TCF12: variants seen among roughly 807,000 people sequenced by gnomAD.
TCF12 encodes DNA-binding protein HTF4.
In TCF12, 45 loss-of-function variants were observed where a neutral mutation model predicts 86.0. That is an observed-to-expected ratio of 0.52 (90% CI 0.41 to 0.67). The LOEUF (loss-of-function observed/expected upper bound fraction) is 0.67, where lower values mean the gene tolerates loss of function less well. Among genes scored for constraint, TCF12 ranks in the 30% least tolerant of loss-of-function variants. The probability of loss-of-function intolerance (pLI) is 0.00; values close to 1 mark genes in which losing one functional copy is unlikely to be tolerated. For synonymous variants in TCF12, 330 were observed against 299.6 expected (o/e 1.10, Z -1.05); for missense variants, 881 against 859.9 (o/e 1.02, Z -0.31).
chr15:56,998,656 C>T (rs1200959086), intron 3 of TCF12, among the ~76,000 whole-genome samples: 1 of 151,976 alleles, frequency 6.6e-6, no homozygotes, highest in African/African-American at 2.4e-5. Flanking sequence ...ACCGGGGGTA[C>T]AGAATGTCCG....
chr15:57,277,359 A>T (rs936416992), intron 19 of TCF12, among the ~76,000 whole-genome samples: 2 of 151,956 alleles, frequency 1.3e-5, no homozygotes, highest in African/African-American at 4.8e-5. Context: ...AGCCGGGTGC[A>T]GTGGCTCACA....
chr15:57,247,217 C>A (rs1192441043), intron 13 of TCF12: 2 of 621,112 alleles, frequency 3.2e-6, no homozygotes, highest in Non-Finnish European at 5.9e-6. Context: ...GTAACCAGGA[C>A]TACCACCATA....
chr15:57,182,020 A>G (rs1449700170), intron 6 of TCF12, among the ~76,000 whole-genome samples: 1 of 152,226 alleles, frequency 6.6e-6, no homozygotes, highest in African/African-American at 2.4e-5. Flanking sequence ...TAAGAAATTC[A>G]TACTATGTAA....
At chr15:57,132,595 A>G (rs994976855) in intron 5 of TCF12, among the ~76,000 whole-genome samples, 2 of 152,236 alleles carry the variant, frequency 1.3e-5, no homozygotes, top group Non-Finnish European at 2.9e-5. Context: ...CCTCTGAATT[A>G]TCAAAGAAAT....
At chr15:57,165,629 T>C (rs1179767558) in intron 5 of TCF12, among the ~76,000 whole-genome samples, 3 of 151,810 alleles carry the variant, frequency 2.0e-5, no homozygotes, top group South Asian at 2.1e-4. Context: ...CTCCGCCTCC[T>C]GGGTTCAAGT....
chr15:57,106,154 G>A (rs2050118755), intron 5 of TCF12, among the ~76,000 whole-genome samples: 2 of 152,334 alleles, frequency 1.3e-5, no homozygotes, highest in African/African-American at 4.8e-5. Flanking sequence ...GTTCTAATTT[G>A]TGTTAGAAAT....
intron 4 of TCF12, among the ~76,000 whole-genome samples, chr15:57,078,727 G>A (rs1302105318): frequency 1.3e-5 from 2 of 152,282 alleles, no homozygotes; most frequent in East Asian, 3.9e-4. Flanking sequence ...TCGAGAGCAG[G>A]TAAGACGAGA....
intron 5 of TCF12, among the ~76,000 whole-genome samples, chr15:57,092,420 C>T (rs1160409746): frequency 6.6e-6 from 1 of 152,158 alleles, no homozygotes; most frequent in East Asian, 1.9e-4. Context: ...AGTGAAGTTG[C>T]ACTTTCAAGA....
At chr15:56,949,721 TTCTGG>T (rs2061176576) in intron 3 of TCF12, among the ~76,000 whole-genome samples, 1 of 152,216 alleles carries the variant, frequency 6.6e-6, no homozygotes, top group Non-Finnish European at 1.5e-5. Context: ...GATATGGCCC[TTCTGG>T]AAGAGCTAAT....
intron 3 of TCF12, among the ~76,000 whole-genome samples, chr15:57,040,241 A>C (rs1238900776): frequency 5.9e-5 from 9 of 152,122 alleles, no homozygotes; most frequent in Admixed American, 5.9e-4. Flanking sequence ...CTGAACCATT[A>C]ATTTATCGTT....
chr15:57,103,336 C>T (rs1175384168), intron 5 of TCF12, among the ~76,000 whole-genome samples: 1 of 152,102 alleles, frequency 6.6e-6, no homozygotes, highest in African/African-American at 2.4e-5. Flanking sequence ...GAAGAATTTT[C>T]TGAGTATTAT....
chr15:57,159,395 G>A lies in TCF12; in HGVS notation c.326-7007G>A, dbSNP rs900767082. On this transcript the variant is annotated intron_variant, in intron 5 of 20. Transcript: ENST00000333725. ...TTCAAATTGTATGATATTTTAATAG[G>A]ATTTGCCCACAAAAGAGGAGCAGGT... is the stretch of plus-strand genomic sequence containing the variant. Among the ~76,000 whole-genome samples, 5 of 152,138 alleles carry A rather than the reference G, an allele frequency of 3.3e-5. No homozygotes were observed. In the East Asian group the frequency reaches 9.6e-4, roughly 29 times the overall value.
intron 8 of TCF12, among the ~76,000 whole-genome samples, 158 bp downstream of exon 8, chr15:57,197,983 A>G (rs965443478): frequency 1.3e-5 from 2 of 152,208 alleles, no homozygotes; most frequent in Non-Finnish European, 2.9e-5. Context: ...GTAAATCCAC[A>G]TTTAATGTTT....
chr15:57,024,216 CTT>C (rs59793819), intron 3 of TCF12, among the ~76,000 whole-genome samples: 22 of 111,288 alleles, frequency 2.0e-4, no homozygotes, highest in Admixed American at 8.6e-4. Flanking sequence ...AAAAAAGTGT[CTT>C]TTTTTTTTTT....
At position 57,272,940 on chromosome 15, in the gene TCF12, T is replaced by A. The variant is rs1286611683; in HGVS notation, c.1746-90T>A. The stretch of plus-strand genomic sequence containing the variant: ...TTACAAGATTTATAGGTGGTTTTCA[T>A]TTCCATCTTTACGCTTTATAATTGT... On this transcript the variant is annotated intron_variant, in intron 18 of 20. Coordinates refer to ENST00000333725, the MANE Select transcript of TCF12 (RefSeq NM_207037.2). The A allele has an allele frequency of 6.4e-6, 8 of 1,243,912 alleles. No individual in the cohort carries two copies. In the African/African-American group the frequency reaches 1.2e-4, roughly 19 times the overall value. 77.1% of individuals were successfully genotyped at this position (1,243,912 alleles called of 1,614,324 possible).
chr15:57,282,858 C>G (rs558080992), intron 20 of TCF12, among the ~76,000 whole-genome samples: 1 of 152,350 alleles, frequency 6.6e-6, no homozygotes, highest in South Asian at 2.1e-4. Flanking sequence ...ATCATGTGTA[C>G]TCTCTTACAT....
intron 6 of TCF12, among the ~76,000 whole-genome samples, chr15:57,171,335 A>C (rs1429759129): frequency 6.6e-6 from 1 of 152,140 alleles, no homozygotes; most frequent in Non-Finnish European, 1.5e-5. Context: ...TAAACTATTC[A>C]AAGGAAAACA....
intron 3 of TCF12, among the ~76,000 whole-genome samples, chr15:56,946,282 A>G (rs1363998708): frequency 6.6e-6 from 1 of 152,110 alleles, no homozygotes; most frequent in Non-Finnish European, 1.5e-5. Context: ...AATTTTTTAA[A>G]ATATTTTCCT....
intron 6 of TCF12, among the ~76,000 whole-genome samples, chr15:57,178,891 T>C (rs959330813): frequency 6.6e-6 from 1 of 152,244 alleles, no homozygotes; most frequent in African/African-American, 2.4e-5. Context: ...ATTATTCAAA[T>C]ATTGCATATA....
Sources: gnomAD v4.1 joint callset for allele counts (sites outside exome capture counted in the v4.1 genomes callset) on GRCh38, gnomAD v4.1.1 for gene constraint, MANE v1.5 for transcripts, NCBI Gene and HGNC (gene_info 2026-07-23, HGNC 2026-07-21) for gene names.